ACOT7: variants seen among roughly 807,000 people sequenced by gnomAD.
ACOT7 encodes the protein acyl-CoA thioesterase 7.
A neutral mutation model predicts 40.2 loss-of-function variants in ACOT7; 12 were observed. The observed-to-expected ratio is 0.30, with a 90% CI of 0.19 to 0.48. The LOEUF is 0.48. Among genes scored for constraint, ACOT7 ranks in the 20% least tolerant of loss-of-function variants. ACOT7 has a pLI of 0.99. For synonymous variants in ACOT7, 228 were observed against 219.5 expected, an observed-to-expected ratio of 1.04 and a Z score of -0.34; for missense variants, 395 against 530.8, an observed-to-expected ratio of 0.74 and a Z score of 2.51.
intron 1 of ACOT7, among the ~76,000 whole-genome samples, chr1:6,392,465 T>C (rs543601673): frequency 6.6e-6 from 1 of 152,108 alleles, no homozygotes; most frequent in East Asian, 1.9e-4. Context: ...CCACCTCCTA[T>C]GGGAAATGAG....
intron 1 of ACOT7, among the ~76,000 whole-genome samples, chr1:6,361,270 C>G (rs1376412149): frequency 6.6e-6 from 1 of 152,034 alleles, no homozygotes; most frequent in Non-Finnish European, 1.5e-5. Flanking sequence ...ATTAAATGTC[C>G]ACAACAGGCA....
chr1:6,294,770 C>G lies in ACOT7; in HGVS notation c.829+94G>C. The G allele has an allele frequency of 1.0e-6, 1 of 953,680 alleles. No individual in the cohort carries two copies. Among genetic ancestry groups the G allele is most frequent in the Non-Finnish European group, 1.6e-6 (1 of 607,070 alleles). The allele number at this position is 953,680 out of a possible 1,614,324, so 59.1% of individuals were successfully genotyped here. A position where few individuals can be genotyped will look rare whatever the true frequency, so the allele number is the denominator to read the frequency against. Reference sequence around the variant, plus strand: ...GCAGATGGGCACACACCAAGGCCCACATGACCCTGGGTGTGAACAGAAAAC... The same window carrying G: ...GCAGATGGGCACACACCAAGGCCCAGATGACCCTGGGTGTGAACAGAAAAC... On this transcript the variant is annotated intron_variant, in intron 7 of 8. Coordinates refer to ENST00000361521, the MANE Select transcript of ACOT7 (RefSeq NM_007274.4). The surrounding 1 kb of genome is among the most constrained non-coding windows in gnomAD (Gnocchi z 4.6).
chr1:6,389,876 G>A (rs562920194), intron 1 of ACOT7, among the ~76,000 whole-genome samples: 2 of 152,142 alleles, frequency 1.3e-5, no homozygotes, highest in East Asian at 3.9e-4. Flanking sequence ...GAATTTGGAC[G>A]TTCTCACCCC....
In ACOT7 at chr1:6,383,313, A is replaced by G. The variant is rs1293733992; in HGVS notation, c.143+9944T>C. ...TGCCATTCTCCTGCCTCAGCCTCCC[A>G]AGTAGCTGAGACTACAGGCGCCCAC... On this transcript the variant is annotated intron_variant, in intron 1 of 8. Coordinates refer to ENST00000361521, the MANE Select transcript of ACOT7 (RefSeq NM_007274.4). Among the ~76,000 whole-genome samples, 7 of 148,182 alleles carry G rather than the reference A, an allele frequency of 4.7e-5. No homozygotes were observed. The South Asian group carries it at 8.6e-4, about 18-fold the overall frequency.
intron 1 of ACOT7, among the ~76,000 whole-genome samples, chr1:6,369,071 C>T (rs1176755729): frequency 6.6e-6 from 1 of 151,474 alleles, no homozygotes; most frequent in East Asian, 2.0e-4. Flanking sequence ...AACCTCTCCA[C>T]TTCCTAGGTT....
At chr1:6,340,848 C>A (rs2148446321) in intron 2 of ACOT7, among the ~76,000 whole-genome samples, 1 of 152,064 alleles carries the variant, frequency 6.6e-6, no homozygotes, top group African/African-American at 2.4e-5. Flanking sequence ...CCAGCCTGGC[C>A]AACATGGTGA....
At chr1:6,375,815 G>A (rs1642218978) in intron 1 of ACOT7, among the ~76,000 whole-genome samples, 1 of 151,778 alleles carries the variant, frequency 6.6e-6, no homozygotes, top group South Asian at 2.1e-4. Context: ...GCGGGCACCT[G>A]TAGTCCCAGC....
chr1:6,320,610 C>T (rs1420535190), intron 5 of ACOT7, among the ~76,000 whole-genome samples: 1 of 152,156 alleles, frequency 6.6e-6, no homozygotes, highest in Non-Finnish European at 1.5e-5. Flanking sequence ...ATGGGTCAGG[C>T]CTGGAAGCAG....
rs145353882 is a variant in ACOT7 at position 6,384,948 on chromosome 1, G to A, written c.143+8309C>T. Reference sequence around the variant, plus strand: ...GGCATGTGAACTATAACCCAATAAAGCTGGCACAAAGGGGGAGGTATGTAT... The same window carrying A: ...GGCATGTGAACTATAACCCAATAAAACTGGCACAAAGGGGGAGGTATGTAT... On this transcript the variant is annotated intron_variant, in intron 1 of 8. Transcript: ENST00000361521. Among the ~76,000 whole-genome samples the A allele has an allele frequency of 8.1e-4, 123 of 151,996 alleles. 1 individual carries two copies. Among genetic ancestry groups the A allele is most frequent in the African/African-American group, 2.8e-3 (115 of 41,538 alleles).
rs1464321853 is a variant in ACOT7, at chr1:6,311,225, C to G, written c.712+7267G>C. On this transcript the variant is annotated intron_variant, in intron 6 of 8. Coordinates refer to ENST00000361521, the MANE Select transcript of ACOT7 (RefSeq NM_007274.4). The surrounding 1 kb of genome is among the most constrained non-coding windows in gnomAD (Gnocchi z 5.2). ...TGTTTCAGAGCAGAGTTAGTTTTTA[C>G]TCAGAGCCGATGTGATCAGTAAACG... Among the ~76,000 whole-genome samples, 2 of 152,228 alleles carry G rather than the reference C, an allele frequency of 1.3e-5. No homozygotes were observed. Among genetic ancestry groups the G allele is most frequent in the Non-Finnish European group, 2.9e-5 (2 of 68,034 alleles).
intron 2 of ACOT7, among the ~76,000 whole-genome samples, chr1:6,343,947 G>T (rs1405037837): frequency 6.6e-6 from 1 of 152,230 alleles, no homozygotes; most frequent in Non-Finnish European, 1.5e-5. Context: ...GTTCTAGCTG[G>T]GGGGACGGAC....
At chr1:6,317,984 G>A (rs1252229946) in intron 6 of ACOT7, among the ~76,000 whole-genome samples, 4 of 152,038 alleles carry the variant, frequency 2.6e-5, no homozygotes, top group African/African-American at 2.4e-5. Flanking sequence ...CAGCCACCTC[G>A]GCCTCCCAAA....
chr1:6,368,062 G>A (rs1642053572), intron 1 of ACOT7, among the ~76,000 whole-genome samples: 1 of 152,118 alleles, frequency 6.6e-6, no homozygotes, highest in Non-Finnish European at 1.5e-5. Context: ...CAGAGTGGAG[G>A]AAGTGTGTGT....
chr1:6,323,048 T>G (rs1172141268), intron 5 of ACOT7, among the ~76,000 whole-genome samples: 1 of 151,924 alleles, frequency 6.6e-6, no homozygotes, highest in Non-Finnish European at 1.5e-5. Context: ...GAGAATCACT[T>G]GAACCAGGGA....
chr1:6,358,788 CCCCTGCACGG>C lies in ACOT7; in HGVS notation c.144-8932_144-8923del, dbSNP rs748043356. 1 of 1,599,114 alleles carries C rather than the reference CCCCTGCACGG, an allele frequency of 6.3e-7. No homozygotes were observed. ...TCCCTAAACAATCCACCCACAGTGGCCCCTGCACGGCCTAGACATGCCCATGACTGGCAGT... is the reference window on the plus strand; with the variant it reads ...TCCCTAAACAATCCACCCACAGTGGCCCTAGACATGCCCATGACTGGCAGT... On this transcript the variant is annotated intron_variant, in intron 1 of 8. Coordinates refer to ENST00000361521, the MANE Select transcript of ACOT7 (RefSeq NM_007274.4). This position sits in a 1 kb window ranked among gnomAD's most constrained non-coding sequence, Gnocchi z 4.1.
At position 6,311,782 on chromosome 1, in the gene ACOT7, A is replaced by C. The variant is rs991844007; in HGVS notation, c.712+6710T>G. Among the ~76,000 whole-genome samples the C allele has an allele frequency of 6.6e-6, 1 of 152,204 alleles. No homozygotes were observed. Among genetic ancestry groups the C allele is most frequent in the Non-Finnish European group, 1.5e-5 (1 of 68,036 alleles). On this transcript the variant is annotated intron_variant, in intron 6 of 8. Transcript: ENST00000361521. The surrounding 1 kb of genome is among the most constrained non-coding windows in gnomAD (Gnocchi z 5.2). ...GAGTCCAGGAGCGCCCCTTTCTCAC[A>C]GCCGTTTCTCTTTCCCAGGGTAGGA...
At chr1:6,365,923 C>CT (rs1306242830) in intron 1 of ACOT7, among the ~76,000 whole-genome samples, 6 of 149,750 alleles carry the variant, frequency 4.0e-5, no homozygotes, top group Non-Finnish European at 5.9e-5. Context: ...TTGAGACAGT[C>CT]TCATTCTATA....
In ACOT7 at chr1:6,282,641, G is replaced by A. The variant is rs549482162; in HGVS notation, c.830-1355C>T. The A allele has an allele frequency of 7.0e-5, 79 of 1,126,484 alleles. No homozygotes were observed. Among genetic ancestry groups the A allele is most frequent in the Non-Finnish European group, 8.4e-5 (70 of 829,920 alleles). 69.8% of individuals were successfully genotyped at this position (1,126,484 alleles called of 1,614,324 possible). ...GGCCAGGTGGTGGCTGTTGGAGGGC[G>A]GTTAGCAGGCCAGAGGCAAGAGCGG... On this transcript the variant is annotated intron_variant, in intron 7 of 8. Transcript: ENST00000361521. This position sits in a 1 kb window ranked among gnomAD's most constrained non-coding sequence, Gnocchi z 4.5.
intron 7 of ACOT7, among the ~76,000 whole-genome samples, chr1:6,290,311 C>T (rs201821283): frequency 6.6e-6 from 1 of 152,158 alleles, no homozygotes; most frequent in East Asian, 1.9e-4. Flanking sequence ...TTACAGCAGC[C>T]CCAGGAAACT....
Sources: gnomAD v4.1 joint callset for allele counts (sites outside exome capture counted in the v4.1 genomes callset) on GRCh38, gnomAD v4.1.1 for gene constraint, Gnocchi (gnomAD v3.1) non-coding constraint, MANE v1.5 for transcripts, NCBI Gene and HGNC (gene_info 2026-07-23, HGNC 2026-07-21) for gene names.